The following PLCL1 variants were observed in gnomAD, a reference collection of about 807,000 sequenced individuals.
PLCL1 encodes the protein inactive phospholipase C-like protein 1.
PLCL1 carries 41 observed loss-of-function variants against 84.4 expected under a neutral mutation model. That is an observed-to-expected ratio of 0.49 (90% CI 0.38 to 0.63). The LOEUF (loss-of-function observed/expected upper bound fraction) is 0.63. Ranked by LOEUF, PLCL1 falls within the 30% of genes least tolerant of loss-of-function variation. The probability of loss-of-function intolerance (pLI) is 0.00; values close to 1 mark genes in which losing one functional copy is unlikely to be tolerated. For synonymous variants in PLCL1, 490 were observed against 488.3 expected (o/e 1.00, Z -0.05); for missense variants, 1,206 against 1,367.8 (o/e 0.88, Z 1.87).
intron 1 of PLCL1, among the ~76,000 whole-genome samples, chr2:198,050,779 G>T (rs1309870874): frequency 6.6e-6 from 1 of 152,102 alleles, no homozygotes; most frequent in African/African-American, 2.4e-5. Flanking sequence ...ATTCATGATT[G>T]TTCTCTCCTT....
At chr2:198,075,371 G>C (rs1444910993) in intron 1 of PLCL1, among the ~76,000 whole-genome samples, 1 of 152,330 alleles carries the variant, frequency 6.6e-6, no homozygotes, top group Admixed American at 6.5e-5. Context: ...TGAATAAATC[G>C]TCAGATGACC....
chr2:197,831,978 C>G (rs987412125), intron 1 of PLCL1, among the ~76,000 whole-genome samples: 2 of 152,100 alleles, frequency 1.3e-5, no homozygotes, highest in Non-Finnish European at 2.9e-5. Context: ...ACACAATGTA[C>G]CAGAATCGCT....
intron 5 of PLCL1, among the ~76,000 whole-genome samples, chr2:198,128,327 T>C (rs1694040674): frequency 1.3e-5 from 2 of 152,050 alleles, no homozygotes; most frequent in African/African-American, 4.8e-5. Context: ...GGAATCGCAA[T>C]AGAGAAAGAA....
At chr2:197,907,936 GA>G (rs1348838959) in intron 1 of PLCL1, among the ~76,000 whole-genome samples, 3 of 152,114 alleles carry the variant, frequency 2.0e-5, no homozygotes, top group Non-Finnish European at 4.4e-5. Flanking sequence ...TGATTCTAAT[GA>G]GCAGCTAAGG....
chr2:198,134,054 C>A (rs553857803), intron 5 of PLCL1, among the ~76,000 whole-genome samples: 1 of 152,136 alleles, frequency 6.6e-6, no homozygotes, highest in Non-Finnish European at 1.5e-5. Context: ...GTTGATCAAG[C>A]CAACACGACA....
intron 3 of PLCL1, among the ~76,000 whole-genome samples, chr2:198,097,877 G>A (rs1260030151): frequency 3.9e-5 from 6 of 152,168 alleles, no homozygotes; most frequent in Non-Finnish European, 2.9e-5. Context: ...CTGTATGACC[G>A]AGAGTTGACC....
chr2:198,123,836 C>A (rs1007500935), intron 5 of PLCL1, among the ~76,000 whole-genome samples: 1 of 151,998 alleles, frequency 6.6e-6, no homozygotes, highest in African/African-American at 2.4e-5. Context: ...TTATGAGAAC[C>A]TAACTAATGC....
intron 1 of PLCL1, among the ~76,000 whole-genome samples, chr2:198,061,257 C>T (rs574159891): frequency 1.3e-5 from 2 of 152,160 alleles, no homozygotes; most frequent in Non-Finnish European, 2.9e-5. Context: ...TTATCTAAAA[C>T]GTGCACTCTG....
At chr2:197,972,621 T>G (rs1218811141) in intron 1 of PLCL1, among the ~76,000 whole-genome samples, 1 of 152,226 alleles carries the variant, frequency 6.6e-6, no homozygotes, top group Admixed American at 6.5e-5. Flanking sequence ...TTGCTGGAGA[T>G]CTTCAGCAAG....
At chr2:197,940,039 A>G (rs1487590034) in intron 1 of PLCL1, among the ~76,000 whole-genome samples, 2 of 152,208 alleles carry the variant, frequency 1.3e-5, no homozygotes, top group Non-Finnish European at 2.9e-5. Flanking sequence ...AGGTTTGAGT[A>G]TCACTGCACT....
chr2:197,890,682 CTATATA>C (rs1553500076), intron 1 of PLCL1, among the ~76,000 whole-genome samples: 1 of 116,198 alleles, frequency 8.6e-6, no homozygotes, highest in African/African-American at 3.8e-5. Flanking sequence ...TATTTTTTTG[CTATATA>C]TATATATATA....
intron 1 of PLCL1, among the ~76,000 whole-genome samples, chr2:197,839,840 CT>C (rs1461035432): frequency 6.6e-6 from 1 of 152,112 alleles, no homozygotes; most frequent in Non-Finnish European, 1.5e-5. Context: ...ATTATTATTA[CT>C]TTTTTAAAAA....
At chr2:197,972,200 A>G (rs1689883490) in intron 1 of PLCL1, among the ~76,000 whole-genome samples, 1 of 152,254 alleles carries the variant, frequency 6.6e-6, no homozygotes, top group Non-Finnish European at 1.5e-5. Context: ...ATGCTGAGTA[A>G]TATGTTTTTG....
intron 1 of PLCL1, among the ~76,000 whole-genome samples, chr2:198,057,030 G>A (rs1488690090): frequency 6.6e-6 from 1 of 152,100 alleles, no homozygotes; most frequent in Non-Finnish European, 1.5e-5. Context: ...TGGGTGCCCT[G>A]GTGAAAACTC....
At chr2:197,981,822 C>T (rs1484910339) in intron 1 of PLCL1, among the ~76,000 whole-genome samples, 2 of 152,188 alleles carry the variant, frequency 1.3e-5, no homozygotes, top group Non-Finnish European at 2.9e-5. Context: ...TTAGAAGGAT[C>T]TTCTCATCCA....
chr2:197,947,101 G>A (rs1482045829), intron 1 of PLCL1, among the ~76,000 whole-genome samples: 1 of 152,050 alleles, frequency 6.6e-6, no homozygotes, highest in Non-Finnish European at 1.5e-5. Flanking sequence ...GCAAATAGGG[G>A]TGAACATACG....
intron 1 of PLCL1, among the ~76,000 whole-genome samples, chr2:197,814,805 T>C (rs1195683412): frequency 6.6e-6 from 1 of 152,158 alleles, no homozygotes; most frequent in Non-Finnish European, 1.5e-5. Flanking sequence ...GTTTTAGCGA[T>C]CTGGATGGAA....
At chr2:197,955,635 AGT>A (rs2105785423) in intron 1 of PLCL1, among the ~76,000 whole-genome samples, 1 of 150,544 alleles carries the variant, frequency 6.6e-6, no homozygotes, top group African/African-American at 2.4e-5. Flanking sequence ...GAGAACATGC[AGT>A]GTTTGGTTTT....
At chr2:198,049,808 C>T (rs1030318421) in intron 1 of PLCL1, among the ~76,000 whole-genome samples, 3 of 152,170 alleles carry the variant, frequency 2.0e-5, no homozygotes, top group African/African-American at 4.8e-5. Flanking sequence ...TTCCATTGAA[C>T]GATGAAACTG....
Sources: allele counts gnomAD v4.1 joint callset (sites outside exome capture counted in the v4.1 genomes callset), GRCh38; gene constraint gnomAD v4.1.1; transcripts MANE v1.5; gene names NCBI Gene and HGNC (gene_info 2026-07-23, HGNC 2026-07-21).